Variants in NOS1AP observed in about 807,000 individuals in gnomAD.
NOS1AP encodes the protein carboxyl-terminal PDZ ligand of neuronal nitric oxide synthase protein.
NOS1AP carries 21 observed loss-of-function variants against 56.2 expected under a neutral mutation model. The observed-to-expected ratio is 0.37, with a 90% confidence interval of 0.26 to 0.54. The LOEUF (loss-of-function observed/expected upper bound fraction) is 0.54, where lower values mean the gene tolerates loss of function less well. Ranked by LOEUF, NOS1AP falls within the 20% of genes least tolerant of loss-of-function variation. The pLI is 0.84. For missense variants in NOS1AP, 522 were observed against 657.8 expected (o/e 0.79, Z 2.26); for synonymous variants, 270 against 274.6 (o/e 0.98, Z 0.17).
chr1:162,282,805 A>G (rs1413868425), intron 2 of NOS1AP, among the ~76,000 whole-genome samples: 1 of 152,244 alleles, frequency 6.6e-6, no homozygotes, highest in Admixed American at 6.5e-5. Flanking sequence ...TCAAGGACTT[A>G]CAGAGCCTGG....
intron 1 of NOS1AP, among the ~76,000 whole-genome samples, chr1:162,106,690 C>T (rs971577726): frequency 2.6e-5 from 4 of 152,208 alleles, no homozygotes; most frequent in African/African-American, 9.7e-5. Context: ...ATCCAGATAG[C>T]ATTTCTCATG....
At chr1:162,131,513 G>A (rs1648745450) in intron 1 of NOS1AP, among the ~76,000 whole-genome samples, 1 of 151,574 alleles carries the variant, frequency 6.6e-6, no homozygotes, top group African/African-American at 2.4e-5. Flanking sequence ...GAGGGATGTG[G>A]GCCAGGAATA....
intron 1 of NOS1AP, among the ~76,000 whole-genome samples, chr1:162,115,827 T>C (rs1647925683): frequency 6.6e-6 from 1 of 152,182 alleles, no homozygotes; most frequent in Admixed American, 6.5e-5. Context: ...CTCTGAACAA[T>C]TGACTTAAAA....
At chr1:162,078,698 C>T (rs1457866575) in intron 1 of NOS1AP, among the ~76,000 whole-genome samples, 2 of 152,180 alleles carry the variant, frequency 1.3e-5, no homozygotes, top group African/African-American at 4.8e-5. Flanking sequence ...AGTTTCTGTA[C>T]CTACTATATT....
chr1:162,228,884 A>G (rs1488882096), intron 2 of NOS1AP, among the ~76,000 whole-genome samples: 2 of 152,276 alleles, frequency 1.3e-5, no homozygotes, highest in African/African-American at 4.8e-5. Context: ...CAGGAGAATT[A>G]GAATTGCACA....
chr1:162,355,274 A>T lies in NOS1AP; in HGVS notation c.683A>T (p.Asn228Ile). 1 of 1,614,090 alleles carries T rather than the reference A, an allele frequency of 6.2e-7. No homozygotes were observed. The change falls in exon 7 of 10, where the codon AAT becomes ATT. Residue 228 changes from asparagine (N) to isoleucine (I), a missense_variant. Physicochemically the swap from Asn to Ile is moderately radical, Grantham distance 149. This residue lies in a region of NOS1AP where 178 missense variants were observed against 165.0 expected (regional missense o/e 1.08). Coordinates refer to ENST00000361897, the MANE Select transcript of NOS1AP (RefSeq NM_014697.3). ...IDAVEVPLPGNDVLEFSRGVT... is the reference protein window; with the variant it reads ...IDAVEVPLPGIDVLEFSRGVT... ...GCGGTGGAGGTCCCACTTCCAGGGA[A>T]TGATGTCCTGGAATTCAGCCGAGGT...
chr1:162,355,458 G>T, intron 7 of NOS1AP, 105 bp downstream of exon 7: 1 of 1,410,266 alleles, frequency 7.1e-7, no homozygotes, highest in Non-Finnish European at 1.0e-6. Flanking sequence ...GGCACTCCAT[G>T]GCACAGTGGC....
intron 6 of NOS1AP, among the ~76,000 whole-genome samples, chr1:162,348,028 A>G (rs1368447268): frequency 2.6e-5 from 4 of 152,166 alleles, no homozygotes; most frequent in African/African-American, 9.7e-5. Flanking sequence ...TGCCGTTAAC[A>G]TTAACATTTA....
intron 2 of NOS1AP, among the ~76,000 whole-genome samples, chr1:162,239,016 A>G (rs1266927916): frequency 6.6e-6 from 1 of 152,246 alleles, no homozygotes; most frequent in Non-Finnish European, 1.5e-5. Flanking sequence ...TCCAATCTAC[A>G]TTACAATATT....
chr1:162,137,130 G>A (rs1649037930), intron 1 of NOS1AP, among the ~76,000 whole-genome samples: 1 of 152,154 alleles, frequency 6.6e-6, no homozygotes, highest in South Asian at 2.1e-4. Context: ...CTTTGACTTT[G>A]TCTTTGATGG....
At chr1:162,184,179 G>A (rs967789266) in intron 2 of NOS1AP, among the ~76,000 whole-genome samples, 1 of 152,160 alleles carries the variant, frequency 6.6e-6, no homozygotes, top group Non-Finnish European at 1.5e-5. Context: ...GGAGAGAGAT[G>A]GGGGAATGGC....
chr1:162,200,984 G>T (rs1651973074), intron 2 of NOS1AP, among the ~76,000 whole-genome samples: 1 of 152,146 alleles, frequency 6.6e-6, no homozygotes. Flanking sequence ...GGGGTTTGTT[G>T]TACAGAGTAT....
At chr1:162,149,382 T>A (rs1175603786) in intron 1 of NOS1AP, among the ~76,000 whole-genome samples, 1 of 152,190 alleles carries the variant, frequency 6.6e-6, no homozygotes, top group East Asian at 1.9e-4. Context: ...GCAGAATTGC[T>A]TGAAGTTGAG....
intron 1 of NOS1AP, among the ~76,000 whole-genome samples, chr1:162,082,469 T>G (rs900472668): frequency 1.2e-4 from 18 of 152,222 alleles, no homozygotes; most frequent in Non-Finnish European, 1.9e-4. Flanking sequence ...ATGGGATTGC[T>G]GGGTCAAATG....
chr1:162,112,415 C>T (rs1470922983), intron 1 of NOS1AP, among the ~76,000 whole-genome samples: 1 of 152,204 alleles, frequency 6.6e-6, no homozygotes, highest in Non-Finnish European at 1.5e-5. Context: ...TCCTTTGTTA[C>T]TGGGCTTTGA....
At chr1:162,121,182 T>C (rs1239347438) in intron 1 of NOS1AP, among the ~76,000 whole-genome samples, 1 of 151,832 alleles carries the variant, frequency 6.6e-6, no homozygotes, top group Non-Finnish European at 1.5e-5. Flanking sequence ...TTTTTGTTTT[T>C]TTTTTGGAGA....
At chr1:162,116,389 C>G (rs531840317) in intron 1 of NOS1AP, among the ~76,000 whole-genome samples, 1 of 152,292 alleles carries the variant, frequency 6.6e-6, no homozygotes, top group Non-Finnish European at 1.5e-5. Context: ...CTTGCATGCT[C>G]CATCCCCCAG....
At chr1:162,313,904 A>G (rs996679460) in intron 4 of NOS1AP, among the ~76,000 whole-genome samples, 17 of 152,268 alleles carry the variant, frequency 1.1e-4, no homozygotes, top group South Asian at 4.2e-4. Context: ...GTCATCCTGA[A>G]ACATGGAAAT....
At chr1:162,158,180 A>G (rs1650049032) in intron 2 of NOS1AP, among the ~76,000 whole-genome samples, 1 of 152,142 alleles carries the variant, frequency 6.6e-6, no homozygotes, top group Non-Finnish European at 1.5e-5. Context: ...GCCCTTGGGA[A>G]CTACCTTTCT....
Sources: allele counts gnomAD v4.1 joint callset (sites outside exome capture counted in the v4.1 genomes callset), GRCh38; gene constraint gnomAD v4.1.1; regional missense constraint gnomAD v4.1.1; transcripts MANE v1.5; gene names NCBI Gene and HGNC (gene_info 2026-07-23, HGNC 2026-07-21).